Variants in UNC13C observed in about 807,000 individuals in gnomAD.
The protein encoded by UNC13C is unc-13 homolog C, also known as protein unc-13 homolog C.
A neutral mutation model predicts 245.4 loss-of-function variants in UNC13C; 174 were observed. That is an observed-to-expected ratio of 0.71 (90% CI 0.63 to 0.80). The LOEUF (loss-of-function observed/expected upper bound fraction) is 0.80, where lower values mean the gene tolerates loss of function less well. UNC13C is among the 30% of genes least tolerant of loss of function. UNC13C has a pLI of 0.00. For missense variants in UNC13C, 2,829 were observed against 2,602.9 expected, an observed-to-expected ratio of 1.09 and a Z score of -1.89; for synonymous variants, 992 against 895.1, an observed-to-expected ratio of 1.11 and a Z score of -1.93.
chr15:54,331,390 T>C (rs1203626887), intron 14 of UNC13C, among the ~76,000 whole-genome samples: 1 of 152,026 alleles, frequency 6.6e-6, no homozygotes, highest in Non-Finnish European at 1.5e-5. Flanking sequence ...AATACTTCTG[T>C]TAAGAGGACA....
intron 24 of UNC13C, among the ~76,000 whole-genome samples, chr15:54,514,164 C>A (rs996303599): frequency 1.3e-5 from 2 of 152,080 alleles, no homozygotes; most frequent in African/African-American, 4.8e-5. Context: ...AAATGGTTTC[C>A]TTAACTTGGG....
chr15:53,905,556 A>G, the UNC13C span, among the ~76,000 whole-genome samples: 1 of 152,174 alleles, frequency 6.6e-6, no homozygotes, highest in Non-Finnish European at 1.5e-5. Flanking sequence ...ATTCATATGT[A>G]GAATCTAAAA....
rs528085046 is a variant in UNC13C, at chr15:54,132,564, T to C, written c.2984-10454T>C. Among the ~76,000 whole-genome samples the C allele has an allele frequency of 2.0e-5, 3 of 152,336 alleles. No individual in the cohort carries two copies. In the South Asian group the frequency reaches 6.2e-4, roughly 32 times the overall value. On this transcript the variant is annotated intron_variant, in intron 2 of 32. Transcript: ENST00000260323. ...CTTATTAATAATTCACAAGACAGTT[T>C]AAGGAATTCAATAAAAGGGAAGATA... is the stretch of plus-strand genomic sequence containing the variant.
the UNC13C span, among the ~76,000 whole-genome samples, chr15:53,932,080 G>T: frequency 6.6e-6 from 1 of 152,058 alleles, no homozygotes; most frequent in African/African-American, 2.4e-5. Flanking sequence ...GGAGGCCAAG[G>T]TGGGCAGATC....
chr15:53,982,986 T>C (rs1162173030), intron 1 of UNC13C, among the ~76,000 whole-genome samples: 1 of 152,120 alleles, frequency 6.6e-6, no homozygotes, highest in African/African-American at 2.4e-5. Context: ...GAAACAGTGT[T>C]CATGGTTTTA....
chr15:54,600,636 A>C (rs1899359711), intron 30 of UNC13C, among the ~76,000 whole-genome samples: 1 of 152,134 alleles, frequency 6.6e-6, no homozygotes, highest in South Asian at 2.1e-4. Context: ...TTTATTGATC[A>C]ATAACGTGTC....
rs779178889 is a variant in UNC13C at position 54,264,310 on chromosome 15, A to G, written c.3591A>G (p.Lys1197=). ...TCCAGGAAATGTTTCAGATTTCTAAAGAAGATTTTGTGCAGTTTACAAAGG... is the reference window on the plus strand; with the variant it reads ...TCCAGGAAATGTTTCAGATTTCTAAGGAAGATTTTGTGCAGTTTACAAAGG... ...EVIQEMFQIS[K]EDFVQFTKAA... The change falls in exon 9 of 33, where the codon AAA becomes AAG. Residue 1197 remains lysine, a synonymous_variant. Transcript: ENST00000260323. The G allele has an allele frequency of 6.2e-7, 1 of 1,605,188 alleles. No individual in the cohort carries two copies. Among genetic ancestry groups the G allele is most frequent in the South Asian group, 1.1e-5 (1 of 89,010 alleles).
chr15:54,241,222 G>A (rs2035842861), intron 7 of UNC13C, among the ~76,000 whole-genome samples: 1 of 152,250 alleles, frequency 6.6e-6, no homozygotes, highest in South Asian at 2.1e-4. Flanking sequence ...GCATGTTAAG[G>A]CTGGCAGGCT....
chr15:54,233,955 A>G (rs1265751829), intron 4 of UNC13C, among the ~76,000 whole-genome samples: 1 of 152,208 alleles, frequency 6.6e-6, no homozygotes, highest in African/African-American at 2.4e-5. Flanking sequence ...TGTTGGTTAT[A>G]TTAAATGACT....
the UNC13C span, among the ~76,000 whole-genome samples, chr15:53,856,137 A>G: frequency 2.7e-3 from 410 of 151,994 alleles, 2 homozygotes; most frequent in African/African-American, 9.5e-3. Flanking sequence ...GTGGTGATAT[A>G]CACTTTATCA....
chr15:54,224,749 A>G (rs2140794716), intron 4 of UNC13C, among the ~76,000 whole-genome samples: 1 of 152,202 alleles, frequency 6.6e-6, no homozygotes, highest in East Asian at 1.9e-4. Context: ...ATGTTTTCCA[A>G]AATTTAACAA....
chr15:53,882,817 C>T, the UNC13C span, among the ~76,000 whole-genome samples: 12 of 152,040 alleles, frequency 7.9e-5, no homozygotes, highest in African/African-American at 7.2e-5. Flanking sequence ...GTGTTCTTCT[C>T]CACTGAGGAT....
chr15:53,959,642 T>G, the UNC13C span, among the ~76,000 whole-genome samples: 1 of 152,166 alleles, frequency 6.6e-6, no homozygotes. Flanking sequence ...TAACTCAGTT[T>G]GGTAATTTAT....
intron 10 of UNC13C, among the ~76,000 whole-genome samples, chr15:54,279,388 T>G (rs1050161339): frequency 3.9e-5 from 6 of 152,222 alleles, no homozygotes; most frequent in African/African-American, 1.4e-4. Flanking sequence ...ATTAGTACAA[T>G]CTTCTTTGTA....
chr15:54,407,364 C>T (rs568757624), intron 18 of UNC13C, among the ~76,000 whole-genome samples: 1 of 152,042 alleles, frequency 6.6e-6, no homozygotes, highest in African/African-American at 2.4e-5. Flanking sequence ...CACTGTGGAT[C>T]GTGGCAGAGG....
At chr15:54,200,620 C>G (rs2034493298) in intron 4 of UNC13C, among the ~76,000 whole-genome samples, 1 of 151,976 alleles carries the variant, frequency 6.6e-6, no homozygotes, top group Non-Finnish European at 1.5e-5. Flanking sequence ...ATTCTTTGAA[C>G]TGAACAGTAA....
rs148201899 is a variant in UNC13C at position 54,279,479 on chromosome 15, C to G, written c.3818+13983C>G. 8.9e-4 allele frequency among the ~76,000 whole-genome samples: 136 copies of G among 152,272 alleles called. 1 individual carries two copies. The highest frequency in any genetic ancestry group is 3.1e-3 in the African/African-American group (127 of 41,552). On this transcript the variant is annotated intron_variant, in intron 10 of 32. Transcript: ENST00000260323. ...TGACAGTGTTTACTTTTGTGATTGC[C>G]TCTCCCGATTCAAGTTTGGTGTTCA...
chr15:54,385,559 T>G (rs62010062), intron 17 of UNC13C, among the ~76,000 whole-genome samples: 5,979 of 149,008 alleles, frequency 0.04, 191 homozygotes, highest in African/African-American at 0.085. Flanking sequence ...GTGGCGAGGG[T>G]TGGAGGGGGG....
At chr15:54,435,516 G>T (rs2040963713) in intron 19 of UNC13C, among the ~76,000 whole-genome samples, 1 of 150,802 alleles carries the variant, frequency 6.6e-6, no homozygotes, top group Non-Finnish European at 1.5e-5. Context: ...TCATAAGTGG[G>T]AGTTGAACAA....
Sources: gnomAD v4.1 joint callset for allele counts (sites outside exome capture counted in the v4.1 genomes callset) on GRCh38, gnomAD v4.1.1 for gene constraint, MANE v1.5 for transcripts, NCBI Gene and HGNC (gene_info 2026-07-23, HGNC 2026-07-21) for gene names.